Variants in BLOC1S3 observed in about 807,000 individuals in gnomAD.
BLOC1S3 encodes biogenesis of lysosomal organelles complex 1 subunit 3.
In BLOC1S3, 7 loss-of-function variants were observed where a neutral mutation model predicts 9.1. That is an observed-to-expected ratio of 0.77 (90% confidence interval 0.44 to 1.45). The LOEUF is 1.45. Among genes scored for constraint, BLOC1S3 ranks in the 40% most tolerant of loss-of-function variants. The pLI is 0.01. For synonymous variants in BLOC1S3, 145 were observed against 158.4 expected (o/e 0.92, Z 0.64); for missense variants, 307 against 315.2 (o/e 0.97, Z 0.20).
Position 45,179,296 on chromosome 19 carries a change from C to T in BLOC1S3, c.-1C>T, listed in dbSNP as rs368641537. On this transcript the variant is annotated 5_prime_UTR_variant, in exon 2 of 2. Transcript: ENST00000433642. This position sits in a 1 kb window ranked among gnomAD's most constrained non-coding sequence, Gnocchi z 4.6. ...TCGCTCTTCTCCCCTAGTTCGGTGC[C>T]ATGGCGTCCCAGGGTCGTCGGCGGA... The T allele has an allele frequency of 1.9e-6, 3 of 1,578,610 alleles. No individual in the cohort carries two copies. Among genetic ancestry groups the T allele is most frequent in the Non-Finnish European group, 2.6e-6 (3 of 1,171,424 alleles).
At chr19:45,178,963 A>T in intron 1 of BLOC1S3, 132 bp downstream of exon 1, 1 of 259,640 alleles carries the variant, frequency 3.9e-6, no homozygotes, top group East Asian at 6.7e-5. Context: ...TCCGGGTCTG[A>T]GATTGGCATG....
At chr19:45,205,166 TTGTG>T (rs35726807) in intron 3 of BLOC1S3, among the ~76,000 whole-genome samples, 1 of 151,066 alleles carries the variant, frequency 6.6e-6, no homozygotes, top group African/African-American at 2.4e-5. Flanking sequence ...CCACAAGAAA[TTGTG>T]TGTGTGTGTG....
At chr19:45,215,031 C>CTA (rs1314337825) in intron 3 of BLOC1S3, among the ~76,000 whole-genome samples, 5 of 151,724 alleles carry the variant, frequency 3.3e-5, no homozygotes, top group Admixed American at 3.3e-4. Flanking sequence ...TGGCACATGC[C>CTA]TATACTTGGG....
intron 3 of BLOC1S3, among the ~76,000 whole-genome samples, chr19:45,206,971 A>T (rs1969732184): frequency 6.6e-6 from 1 of 151,790 alleles, no homozygotes; most frequent in South Asian, 2.1e-4. Context: ...CCTCCAGAGT[A>T]GCTGGGATTA....
chr19:45,199,909 G>T (rs867452918), intron 2 of BLOC1S3, among the ~76,000 whole-genome samples: 1 of 151,926 alleles, frequency 6.6e-6, no homozygotes, highest in Non-Finnish European at 1.5e-5. Context: ...GGGATTACAG[G>T]CATGCACCAC....
chr19:45,212,910 T>A (rs926560152), intron 3 of BLOC1S3: 17 of 805,138 alleles, frequency 2.1e-5, no homozygotes, highest in African/African-American at 3.6e-5. Flanking sequence ...TTTGTTTCCC[T>A]TCTGTACAGG....
intron 2 of BLOC1S3, among the ~76,000 whole-genome samples, chr19:45,201,202 C>CAAAAAA (rs35443104): frequency 7.9e-6 from 1 of 126,918 alleles, no homozygotes; most frequent in Non-Finnish European, 1.7e-5. Flanking sequence ...GACCCTGTCT[C>CAAAAAA]AAAAAAAAAA....
chr19:45,206,226 G>A (rs1197917196), intron 3 of BLOC1S3, among the ~76,000 whole-genome samples: 10 of 151,650 alleles, frequency 6.6e-5, no homozygotes, highest in African/African-American at 9.7e-5. Flanking sequence ...GCATGGTGGC[G>A]TATGCCTGTA....
At chr19:45,211,594 G>C (rs894935874) in intron 3 of BLOC1S3, among the ~76,000 whole-genome samples, 1 of 151,942 alleles carries the variant, frequency 6.6e-6, no homozygotes. Context: ...CTCAGCCTGG[G>C]GAAAGAGAGT....
intron 3 of BLOC1S3, among the ~76,000 whole-genome samples, chr19:45,210,229 G>T (rs1347549599): frequency 7.4e-6 from 1 of 134,762 alleles, no homozygotes; most frequent in African/African-American, 2.6e-5. Context: ...ATGAGTATGA[G>T]GTTTCTTTAT....
intron 2 of BLOC1S3, among the ~76,000 whole-genome samples, chr19:45,197,493 A>C (rs901606063): frequency 5.6e-5 from 7 of 124,760 alleles, no homozygotes; most frequent in South Asian, 4.7e-4. Flanking sequence ...TCTCAACAAC[A>C]ACCACCAAAA....
downstream of BLOC1S3, among the ~76,000 whole-genome samples, chr19:45,182,136 T>G (rs1354870919): frequency 6.6e-6 from 1 of 152,168 alleles, no homozygotes; most frequent in Non-Finnish European, 1.5e-5. Context: ...TTTTTAAAAA[T>G]AGAGATGATA....
chr19:45,210,332 C>T (rs1354553638), intron 3 of BLOC1S3, among the ~76,000 whole-genome samples: 1 of 89,414 alleles, frequency 1.1e-5, no homozygotes, highest in African/African-American at 4.3e-5. Context: ...TGGAGTCTTG[C>T]TCTGTCTCTT....
At position 45,180,057 on chromosome 19, in the gene BLOC1S3, G is replaced by A; in HGVS notation, c.*152G>A. On this transcript the variant is annotated 3_prime_UTR_variant, in exon 2 of 2. Transcript: ENST00000433642. ...GGCTAATCCGGTCCCCTTGGATAAT[G>A]CTTTATATTGGATATAGTTCAACCC... 1.2e-6 allele frequency: 1 copy of A among 815,178 alleles called. No homozygotes were observed. The highest frequency in any genetic ancestry group is 1.9e-6 in the Non-Finnish European group (1 of 532,302). The allele number at this position is 815,178 out of a possible 1,614,324, so 50.5% of individuals were successfully genotyped here.
At position 45,180,029 on chromosome 19, in the gene BLOC1S3, G is replaced by T; in HGVS notation, c.*124G>T. On this transcript the variant is annotated 3_prime_UTR_variant, in exon 2 of 2. Coordinates refer to ENST00000433642, the MANE Select transcript of BLOC1S3 (RefSeq NM_212550.5). Reference sequence around the variant, plus strand: ...CCGCTCCCATCTTGGTGTCACCCATGGGGGCTAATCCGGTCCCCTTGGATA... The same window carrying T: ...CCGCTCCCATCTTGGTGTCACCCATTGGGGCTAATCCGGTCCCCTTGGATA... The T allele has an allele frequency of 8.6e-7, 1 of 1,167,266 alleles. No individual in the cohort carries two copies. Among genetic ancestry groups the T allele is most frequent in the Non-Finnish European group, 1.2e-6 (1 of 830,048 alleles). 72.3% of individuals were successfully genotyped at this position (1,167,266 alleles called of 1,614,324 possible).
chr19:45,179,460 G>T lies in BLOC1S3; in HGVS notation c.164G>T (p.Arg55Leu). The T allele has an allele frequency of 6.6e-7, 1 of 1,525,394 alleles. No individual in the cohort carries two copies. The highest frequency in any genetic ancestry group is 1.2e-5 in the South Asian group (1 of 83,060). The allele number at this position is 1,525,394 out of a possible 1,614,324, so 94.5% of individuals were successfully genotyped here. ...GPTRGRPTGL[R>L]VAGEAAETDS... The stretch of plus-strand genomic sequence containing the variant: ...ACGCGCGGCCGCCCCACGGGGCTGC[G>T]GGTGGCTGGGGAAGCCGCGGAGACC... The change falls in exon 2 of 2, where the codon CGG (arginine) becomes CTG (leucine). Residue 55 changes from arginine to leucine, a missense_variant. By Grantham distance (102) the Arg-to-Leu change is moderately radical (BLOSUM62 -2). Transcript: ENST00000433642. This position sits in a 1 kb window ranked among gnomAD's most constrained non-coding sequence, Gnocchi z 4.6.
intron 3 of BLOC1S3, chr19:45,216,258 T>A: frequency 6.3e-7 from 1 of 1,580,878 alleles, no homozygotes; most frequent in Non-Finnish European, 8.6e-7. Flanking sequence ...TTCCTGCCCC[T>A]CCTGGCTTGT....
intron 2 of BLOC1S3, among the ~76,000 whole-genome samples, chr19:45,195,499 G>A (rs1969640528): frequency 6.6e-6 from 1 of 151,948 alleles, no homozygotes; most frequent in African/African-American, 2.4e-5. Context: ...GAGCCACAGG[G>A]CCCAGCCACA....
At chr19:45,213,312 G>T in intron 3 of BLOC1S3, 1 of 1,613,826 alleles carries the variant, frequency 6.2e-7, no homozygotes, top group Non-Finnish European at 8.5e-7. Flanking sequence ...GGGCGGCTGT[G>T]TTGCGCAGGC....
Sources: allele counts gnomAD v4.1 joint callset (sites outside exome capture counted in the v4.1 genomes callset), GRCh38; gene constraint gnomAD v4.1.1; non-coding constraint Gnocchi (gnomAD v3.1); transcripts MANE v1.5; gene names NCBI Gene and HGNC (gene_info 2026-07-23, HGNC 2026-07-21).